Variants in ESR1 observed in about 807,000 individuals in gnomAD.
ESR1 encodes the protein estrogen receptor 1, also known as estrogen receptor.
A neutral mutation model predicts 52.7 loss-of-function variants in ESR1; 12 were observed. The observed-to-expected ratio is 0.23, with a 90% CI of 0.15 to 0.37. ESR1 has a LOEUF of 0.37. Ranked by LOEUF, ESR1 falls within the 10% of genes least tolerant of loss-of-function variation. The pLI, the probability that ESR1 is intolerant of heterozygous loss-of-function variation, is 1.00. For synonymous variants in ESR1, 305 were observed against 316.8 expected (o/e 0.96, Z 0.39); for missense variants, 584 against 779.7 (o/e 0.75, Z 2.99).
intron 1 of ESR1, among the ~76,000 whole-genome samples, chr6:151,667,642 A>G (rs1264236424): frequency 2.0e-5 from 3 of 152,210 alleles, no homozygotes; most frequent in Admixed American, 6.5e-5. Flanking sequence ...GAGACTGTTT[A>G]TACAGGATCT....
rs192410791 is a variant in ESR1, at chr6:152,112,304, T to G, written c.851-12962T>G. 1.4e-3 allele frequency among the ~76,000 whole-genome samples: 219 copies of G among 152,338 alleles called. 1 individual carries two copies. Among genetic ancestry groups the G allele is most frequent in the African/African-American group, 5.1e-3 (214 of 41,562 alleles). ...CAATATGGAGATTTTTTTCCTCTAT[T>G]TTCTGTGATTGCTTAGAAGCAGAAA... On this transcript the variant is annotated intron_variant, in intron 6 of 6. Coordinates refer to the ESR1 transcript ENST00000427531.
chr6:152,008,612 A>G (rs562988558), intron 4 of ESR1, among the ~76,000 whole-genome samples: 109 of 152,210 alleles, frequency 7.2e-4, no homozygotes, highest in Admixed American at 2.9e-3. Context: ...TTGGTTTTCC[A>G]TATTGATCGG....
chr6:152,078,293 G>A (rs1474490320), intron 6 of ESR1, among the ~76,000 whole-genome samples: 2 of 152,166 alleles, frequency 1.3e-5, no homozygotes, highest in Admixed American at 6.5e-5. Flanking sequence ...ATACTTGCTG[G>A]AGCAGCAGGC....
chr6:151,684,648 A>G (rs1326160491), intron 1 of ESR1, among the ~76,000 whole-genome samples: 1 of 152,210 alleles, frequency 6.6e-6, no homozygotes, highest in East Asian at 1.9e-4. Context: ...CAGCCCAGGA[A>G]TAAAAATAGG....
chr6:152,121,505 C>T (rs1460711125), intron 6 of ESR1, among the ~76,000 whole-genome samples: 1 of 152,156 alleles, frequency 6.6e-6, no homozygotes, highest in Non-Finnish European at 1.5e-5. Flanking sequence ...AAAGGAATCA[C>T]CTGGGGTCTT....
At chr6:152,057,581 A>C (rs2047199604) in intron 5 of ESR1, among the ~76,000 whole-genome samples, 1 of 152,126 alleles carries the variant, frequency 6.6e-6, no homozygotes, top group African/African-American at 2.4e-5. Flanking sequence ...AAAAACATGA[A>C]GCACATGTGT....
chr6:151,911,009 G>C (rs762849527), intron 3 of ESR1, among the ~76,000 whole-genome samples: 2 of 152,016 alleles, frequency 1.3e-5, no homozygotes, highest in Non-Finnish European at 2.9e-5. Flanking sequence ...TCACATATAG[G>C]GTTTGCGCAC....
rs934346390 is a variant in ESR1 at position 151,721,302 on chromosome 6, C to T, written c.-71+19297C>T. 9.9e-5 allele frequency among the ~76,000 whole-genome samples: 15 copies of T among 152,116 alleles called. 1 individual carries two copies. Among genetic ancestry groups the T allele is most frequent in the African/African-American group, 9.7e-5 (4 of 41,420 alleles). ...TAGGGGAGTCGTAAGTGGTTCATTACGGCTAGAATCCAGGGCTCTCTGGAG... is the reference window on the plus strand; with the variant it reads ...TAGGGGAGTCGTAAGTGGTTCATTATGGCTAGAATCCAGGGCTCTCTGGAG... On this transcript the variant is annotated intron_variant, in intron 2 of 2. Transcript: ENST00000404742.
At chr6:151,680,966 C>T (rs574119242) in intron 1 of ESR1, among the ~76,000 whole-genome samples, 5 of 152,140 alleles carry the variant, frequency 3.3e-5, no homozygotes, top group Admixed American at 6.5e-5. Context: ...GGGGTAGACG[C>T]CCCGTCTCTG....
At chr6:151,846,603 A>G (rs1165455794) in intron 2 of ESR1, among the ~76,000 whole-genome samples, 1 of 152,200 alleles carries the variant, frequency 6.6e-6, no homozygotes, top group Non-Finnish European at 1.5e-5. Flanking sequence ...GATTATTCTC[A>G]TGTTCTAAGT....
At chr6:152,028,542 C>T (rs1039936412) in intron 5 of ESR1, among the ~76,000 whole-genome samples, 10 of 152,296 alleles carry the variant, frequency 6.6e-5, no homozygotes, top group Non-Finnish European at 1.3e-4. Flanking sequence ...GAGCCTCGCT[C>T]ATTGCTAGCA....
intron 2 of ESR1, among the ~76,000 whole-genome samples, chr6:151,703,682 T>G (rs1221796493): frequency 6.6e-6 from 1 of 152,136 alleles, no homozygotes; most frequent in Non-Finnish European, 1.5e-5. Context: ...GAGTCTTCCA[T>G]CTGGCTGAGG....
chr6:151,827,224 A>AG (rs1260700717), intron 1 of ESR1, among the ~76,000 whole-genome samples: 2 of 151,624 alleles, frequency 1.3e-5, no homozygotes, highest in African/African-American at 4.8e-5. Context: ...ATTGCTTGGG[A>AG]GGCTGAGATG....
At chr6:151,822,453 T>A (rs1284832032) in intron 1 of ESR1, among the ~76,000 whole-genome samples, 3 of 152,212 alleles carry the variant, frequency 2.0e-5, no homozygotes, top group South Asian at 2.1e-4. Context: ...TCTGAGAGGC[T>A]TTGCTCAGCA....
At chr6:151,984,441 A>G (rs2040263638) in intron 4 of ESR1, among the ~76,000 whole-genome samples, 1 of 152,190 alleles carries the variant, frequency 6.6e-6, no homozygotes, top group African/African-American at 2.4e-5. Flanking sequence ...TAACTTGGTA[A>G]TCAATGTTGG....
chr6:152,090,217 T>C (rs77570513), intron 6 of ESR1, among the ~76,000 whole-genome samples: 1 of 152,208 alleles, frequency 6.6e-6, no homozygotes, highest in East Asian at 1.9e-4. Flanking sequence ...GTGTGACTCA[T>C]CCCTAGTACC....
intron 4 of ESR1, among the ~76,000 whole-genome samples, chr6:151,944,856 A>G (rs1434564502): frequency 6.6e-6 from 1 of 152,212 alleles, no homozygotes; most frequent in Non-Finnish European, 1.5e-5. Flanking sequence ...TGAACTACAA[A>G]AGTTTGTAAT....
rs749413347 is a variant in ESR1 at position 152,099,013 on chromosome 6, A to T, written c.*47A>T. The T allele has an allele frequency of 6.6e-7, 1 of 1,519,184 alleles. No homozygotes were observed. The highest frequency in any genetic ancestry group is 9.1e-7 in the Non-Finnish European group (1 of 1,098,308). 94.1% of individuals were successfully genotyped at this position (1,519,184 alleles called of 1,614,324 possible). A position where few individuals can be genotyped will look rare whatever the true frequency, so the allele number is the denominator to read the frequency against. On this transcript the variant is annotated 3_prime_UTR_variant, in exon 8 of 8. Transcript: ENST00000206249. ...GTTCAGATAATCCCTGCTGCATTTT[A>T]CCCTCATCATGCACCACTTTAGCCA...
intron 3 of ESR1, among the ~76,000 whole-genome samples, chr6:151,894,200 G>A (rs1416930629): frequency 6.6e-6 from 1 of 152,012 alleles, no homozygotes; most frequent in African/African-American, 2.4e-5. Flanking sequence ...ATCTTCTTTT[G>A]AGAACTGTCT....
Sources: gnomAD v4.1 joint callset for allele counts (sites outside exome capture counted in the v4.1 genomes callset) on GRCh38, gnomAD v4.1.1 for gene constraint, MANE v1.5 for transcripts, NCBI Gene and HGNC (gene_info 2026-07-23, HGNC 2026-07-21) for gene names.